Variants in DCHS2 observed in about 807,000 individuals in gnomAD.
DCHS2 encodes the protein protocadherin-23.
Under a neutral mutation model 182.4 loss-of-function variants are expected in DCHS2, and 142 were observed. The observed-to-expected ratio is 0.78, with a 90% CI of 0.68 to 0.89. The LOEUF (loss-of-function observed/expected upper bound fraction) is 0.89. DCHS2 is among the 40% of genes least tolerant of loss of function. DCHS2 has a pLI of 0.00. For missense variants in DCHS2, 4,319 were observed against 4,198.6 expected (o/e 1.03, Z -0.79); for synonymous variants, 1,740 against 1,663.3 (o/e 1.05, Z -1.12).
intron 14 of DCHS2, among the ~76,000 whole-genome samples, chr4:154,264,693 A>T (rs1733158000): frequency 1.3e-5 from 2 of 152,204 alleles, no homozygotes; most frequent in African/African-American, 4.8e-5. Flanking sequence ...AAAGTATTTT[A>T]AAAGCATGGA....
In DCHS2 at chr4:154,320,998, A is replaced by G. The variant is rs1315617815; in HGVS notation, c.4401T>C (p.Leu1467=). The G allele has an allele frequency of 3.1e-6, 5 of 1,613,934 alleles. No homozygotes were observed. The highest frequency in any genetic ancestry group is 1.7e-5 in the Admixed American group (1 of 59,982). Residue 1467 remains leucine, a synonymous_variant, in exon 9 of 20, where the codon CTT becomes CTC. Coordinates refer to ENST00000357232, the MANE Select transcript of DCHS2 (RefSeq NM_001358235.2). ...STGDLFLSKE[L]DYETTSHYLF... is the part of the protein sequence containing the mutation. ...GATAATGAGATGTCGTCTCATAATC[A>G]AGTTCCTTAGAAAGAAACAAGTCTC...
At chr4:154,369,042 T>G (rs999686031) in intron 2 of DCHS2, among the ~76,000 whole-genome samples, 3 of 152,236 alleles carry the variant, frequency 2.0e-5, no homozygotes, top group African/African-American at 7.2e-5. Flanking sequence ...TGTGCTAATG[T>G]ATTACTTATA....
chr4:154,315,563 T>G (rs1011169763), intron 10 of DCHS2, among the ~76,000 whole-genome samples, 185 bp downstream of exon 10: 25 of 152,222 alleles, frequency 1.6e-4, no homozygotes, highest in African/African-American at 6.0e-4. Context: ...AAATCTTATG[T>G]GATATATCTG....
rs900950511 is a variant in DCHS2 at position 154,384,524 on chromosome 4, C to T, written c.2053-7080G>A. ...AAAAACCTCTGTCAATGTTCTAATCCCCAGAACCTATGACTATTCTCTTAT... is the reference window on the plus strand; with the variant it reads ...AAAAACCTCTGTCAATGTTCTAATCTCCAGAACCTATGACTATTCTCTTAT... On this transcript the variant is annotated intron_variant, in intron 1 of 19. Transcript: ENST00000357232. The T allele has an allele frequency of 4.5e-6, 7 of 1,550,694 alleles. No individual in the cohort carries two copies. In the South Asian group the frequency reaches 8.3e-5, roughly 18 times the overall value.
At chr4:154,458,531 TTGTC>T (rs3063011) in intron 1 of DCHS2, among the ~76,000 whole-genome samples, 3,481 of 152,276 alleles carry the variant, frequency 0.023, 87 homozygotes, top group South Asian at 0.08. Flanking sequence ...AAGGGAATGA[TTGTC>T]TGGCCAAGTC....
intron 1 of DCHS2, among the ~76,000 whole-genome samples, chr4:154,466,118 T>G (rs1161915047): frequency 1.3e-5 from 2 of 152,190 alleles, no homozygotes; most frequent in African/African-American, 4.8e-5. Flanking sequence ...TAATTGGGAC[T>G]GGACTTACCC....
intron 16 of DCHS2, among the ~76,000 whole-genome samples, chr4:154,251,810 C>A (rs564191446): frequency 2.4e-4 from 37 of 152,314 alleles, no homozygotes; most frequent in Non-Finnish European, 4.4e-4. Context: ...TGAGCCACTG[C>A]ACCTGGCCAG....
At chr4:154,386,736 C>T (rs1279237416) in intron 1 of DCHS2, among the ~76,000 whole-genome samples, 1 of 152,084 alleles carries the variant, frequency 6.6e-6, no homozygotes, top group African/African-American at 2.4e-5. Context: ...ATTAATGAAT[C>T]TAATACTGTG....
rs1169472535 is a variant in DCHS2, at chr4:154,439,710, T to G, written c.2052+49594A>C. Among the ~76,000 whole-genome samples the G allele has an allele frequency of 2.0e-5, 3 of 152,246 alleles. No individual in the cohort carries two copies. In the East Asian group the frequency reaches 5.8e-4, roughly 29 times the overall value. On this transcript the variant is annotated intron_variant, in intron 1 of 19. Transcript: ENST00000357232. ...ACAGAATTTTTTCATTTTATATAGT[T>G]AAATCTGAGCTTTACAAAATATGTG...
Position 154,318,081 on chromosome 4 carries a change from G to T in DCHS2, c.5021-2094C>A, listed in dbSNP as rs72723328. ...CTACCCTGCAAGGACTCACAATGGG[G>T]GCAAAGAAGTTTTCTGTTGTGTATT... On this transcript the variant is annotated intron_variant, in intron 9 of 19. Coordinates refer to ENST00000357232, the MANE Select transcript of DCHS2 (RefSeq NM_001358235.2). Among the ~76,000 whole-genome samples, 473 of 152,096 alleles carry T rather than the reference G, an allele frequency of 3.1e-3. 2 individuals carry two copies. Among genetic ancestry groups the T allele is most frequent in the Non-Finnish European group, 5.3e-3 (361 of 67,954 alleles).
At chr4:154,377,477 G>T (rs1432910331) in intron 1 of DCHS2, 33 bp from the exon 2 acceptor site, 1 of 1,554,628 alleles carries the variant, frequency 6.4e-7, no homozygotes, top group Non-Finnish European at 8.8e-7. Context: ...GGAGGAAACA[G>T]AAATGCTAGC....
intron 1 of DCHS2, among the ~76,000 whole-genome samples, chr4:154,433,658 T>C (rs564644571): frequency 6.6e-6 from 1 of 152,278 alleles, no homozygotes; most frequent in African/African-American, 2.4e-5. Flanking sequence ...CCTCCCAAAG[T>C]GCTGGGATTA....
At chr4:154,349,654 C>A (rs1489392347) in intron 3 of DCHS2, among the ~76,000 whole-genome samples, 1 of 152,108 alleles carries the variant, frequency 6.6e-6, no homozygotes, top group Non-Finnish European at 1.5e-5. Flanking sequence ...TTATTACTAT[C>A]CTTTCATGTC....
At chr4:154,337,675 G>A (rs538824622) in intron 3 of DCHS2, among the ~76,000 whole-genome samples, 3 of 152,004 alleles carry the variant, frequency 2.0e-5, no homozygotes, top group South Asian at 2.1e-4. Context: ...GGATTGCTGC[G>A]TCCTCTTCCC....
intron 1 of DCHS2, among the ~76,000 whole-genome samples, chr4:154,463,316 T>A (rs970971015): frequency 2.0e-5 from 3 of 151,998 alleles, no homozygotes; most frequent in African/African-American, 2.4e-5. Context: ...CTTTAAAAAA[T>A]TATATAGGCT....
intron 3 of DCHS2, among the ~76,000 whole-genome samples, chr4:154,346,270 A>G (rs1729356671): frequency 6.6e-6 from 1 of 152,204 alleles, no homozygotes; most frequent in South Asian, 2.1e-4. Flanking sequence ...ATTATTATAC[A>G]TCTGTAACCA....
chr4:154,305,744 C>G (rs1334399865), intron 10 of DCHS2, among the ~76,000 whole-genome samples: 3 of 152,126 alleles, frequency 2.0e-5, no homozygotes, highest in Non-Finnish European at 2.9e-5. Flanking sequence ...AGTCTGCTAT[C>G]TGGAGTGAGA....
In DCHS2 at chr4:154,329,624, G is replaced by A. The variant is rs752559866; in HGVS notation, c.3817C>T (p.Pro1273Ser). 20 of 1,612,756 alleles carry A rather than the reference G, an allele frequency of 1.2e-5. No homozygotes were observed. The highest frequency in any genetic ancestry group is 1.7e-5 in the Non-Finnish European group (20 of 1,179,872). ...TAAACCGCCATGGTGGCGTTTCGTG[G>A]TGGGGAGCCGCGGTCTGTCACTAGC... Reference protein sequence around the residue: ...TVLVTDRGSPPRNATMAVYVS... With the variant: ...TVLVTDRGSPSRNATMAVYVS... The change falls in exon 6 of 20, where the codon CCA becomes TCA. Residue 1273 changes from proline (P) to serine (S), a missense_variant. Physicochemically the swap from Pro to Ser is moderately conservative, Grantham distance 74 (BLOSUM62 -1). Coordinates refer to ENST00000357232, the MANE Select transcript of DCHS2 (RefSeq NM_001358235.2).
chr4:154,449,570 A>G (rs1734449537), intron 1 of DCHS2, among the ~76,000 whole-genome samples: 1 of 151,980 alleles, frequency 6.6e-6, no homozygotes, highest in Admixed American at 6.6e-5. Context: ...ATGAGGTTTC[A>G]TTATGTTGCC....
Sources: allele counts gnomAD v4.1 joint callset (sites outside exome capture counted in the v4.1 genomes callset), GRCh38; gene constraint gnomAD v4.1.1; transcripts MANE v1.5; gene names NCBI Gene and HGNC (gene_info 2026-07-23, HGNC 2026-07-21).